The following IL18R1 variants were observed in gnomAD, a reference collection of about 807,000 sequenced individuals.
IL18R1 encodes interleukin 18 receptor 1.
In IL18R1, 40 loss-of-function variants were observed where a neutral mutation model predicts 48.5. The observed-to-expected ratio is 0.82, with a 90% CI of 0.64 to 1.07. The LOEUF is 1.07. Ranked by LOEUF, IL18R1 falls within the 50% of genes least tolerant of loss-of-function variation. The probability of loss-of-function intolerance (pLI) is 0.00; values close to 1 mark genes in which losing one functional copy is unlikely to be tolerated. For synonymous variants in IL18R1, 232 were observed against 225.9 expected (o/e 1.03, Z -0.24); for missense variants, 596 against 633.7 (o/e 0.94, Z 0.64).
intron 10 of IL18R1, among the ~76,000 whole-genome samples, chr2:102,394,945 T>A (rs969821553): frequency 3.9e-5 from 6 of 152,254 alleles, no homozygotes; most frequent in Non-Finnish European, 2.9e-5. Context: ...TGACCCACGG[T>A]GAGAATATCT....
At chr2:102,359,454 G>T (rs1248286059) in intron 1 of IL18R1, among the ~76,000 whole-genome samples, 1 of 152,140 alleles carries the variant, frequency 6.6e-6, no homozygotes, top group African/African-American at 2.4e-5. Context: ...CATAACAAAA[G>T]AGAGAAAGTA....
At chr2:102,394,911 T>C (rs1204640584) in intron 10 of IL18R1, among the ~76,000 whole-genome samples, 1 of 152,196 alleles carries the variant, frequency 6.6e-6, no homozygotes, top group Non-Finnish European at 1.5e-5. Flanking sequence ...GAGCTGGCGT[T>C]ATCATGAAGC....
At chr2:102,389,601 C>A (rs143862927) in intron 8 of IL18R1, among the ~76,000 whole-genome samples, 4 of 152,264 alleles carry the variant, frequency 2.6e-5, no homozygotes, top group Non-Finnish European at 5.9e-5. Flanking sequence ...GGTTTAAGGG[C>A]ATTCACGATT....
Position 102,373,120 on chromosome 2 carries a change from C to T in IL18R1, c.468+1002C>T, listed in dbSNP as rs186508685. Among the ~76,000 whole-genome samples, 1,271 of 152,194 alleles carry T rather than the reference C, an allele frequency of 8.4e-3. 9 individuals carry two copies. The highest frequency in any genetic ancestry group is 0.013 in the Non-Finnish European group (905 of 67,976). Reference sequence around the variant, plus strand: ...AACTCCTAGTGGTTTTTTCACTTTTCTTAGTAATAAATTAAACTTTTGTAT... The same window carrying T: ...AACTCCTAGTGGTTTTTTCACTTTTTTTAGTAATAAATTAAACTTTTGTAT... On this transcript the variant is annotated intron_variant, in intron 4 of 10. Transcript: ENST00000233957.
chr2:102,375,891 G>C lies in IL18R1; in HGVS notation c.469-16G>C. On this transcript the variant is annotated splice_polypyrimidine_tract_variant and intron_variant, in intron 4 of 10. Transcript: ENST00000233957. ...GCTTTTACTTAAAGTATTTTAACTTGTTTTATTAAAAACAGAACTGTAAAA... is the reference window on the plus strand; with the variant it reads ...GCTTTTACTTAAAGTATTTTAACTTCTTTTATTAAAAACAGAACTGTAAAA... 6.6e-7 allele frequency: 1 copy of C among 1,516,592 alleles called. No individual in the cohort carries two copies. Among genetic ancestry groups the C allele is most frequent in the Non-Finnish European group, 8.8e-7 (1 of 1,133,680 alleles). 93.9% of individuals were successfully genotyped at this position (1,516,592 alleles called of 1,614,324 possible). A position where few individuals can be genotyped will look rare whatever the true frequency, so the allele number is the denominator to read the frequency against.
Position 102,396,799 on chromosome 2 carries a change from GA to G in IL18R1, c.1541del (p.Lys514ArgfsTer6). The G allele has an allele frequency of 6.2e-7, 1 of 1,613,462 alleles. No homozygotes were observed. The highest frequency in any genetic ancestry group is 8.5e-7 in the Non-Finnish European group (1 of 1,179,448). ...CTCTTTCTTATAACTCAAGGTTCTGGAAGAACCTTCTTTACTTAATGCCTGC... is the reference window on the plus strand; with the variant it reads ...CTCTTTCTTATAACTCAAGGTTCTGGAGAACCTTCTTTACTTAATGCCTGC... ...KSLSYNSRFW[K>X]NLLYLMPAKT... On this transcript the variant is annotated frameshift_variant, in exon 11 of 11. Coordinates refer to ENST00000233957, the MANE Select transcript of IL18R1 (RefSeq NM_003855.5). LOFTEE classifies it low-confidence loss of function (END_TRUNC).
intron 4 of IL18R1, 65 bp downstream of exon 4, chr2:102,372,183 G>A: frequency 7.6e-7 from 1 of 1,318,190 alleles, no homozygotes; most frequent in Non-Finnish European, 1.1e-6. Context: ...CAAATGAGGG[G>A]CTGAGAGCTA....
At chr2:102,381,859 C>T (rs1679940348) in intron 6 of IL18R1, among the ~76,000 whole-genome samples, 177 bp downstream of exon 6, 1 of 152,108 alleles carries the variant, frequency 6.6e-6, no homozygotes, top group African/African-American at 2.4e-5. Flanking sequence ...TTTAACCTGA[C>T]TTAAAAGTGG....
rs1015913836 is a variant in IL18R1, at chr2:102,375,824, G to T, written c.469-83G>T. The T allele has an allele frequency of 4.5e-6, 4 of 895,572 alleles. No individual in the cohort carries two copies. In the African/African-American group the frequency reaches 7.0e-5, roughly 16 times the overall value. The allele number at this position is 895,572 out of a possible 1,614,324, so 55.5% of individuals were successfully genotyped here. ...CATTCTTTTTTCCTTTTTCTCTAAAGATCTTTAACTCAAAAATTTGGATCA... is the reference window on the plus strand; with the variant it reads ...CATTCTTTTTTCCTTTTTCTCTAAATATCTTTAACTCAAAAATTTGGATCA... On this transcript the variant is annotated intron_variant, in intron 4 of 10. Transcript: ENST00000233957.
chr2:102,373,611 TA>T (rs77264673), intron 4 of IL18R1, among the ~76,000 whole-genome samples: 36,126 of 148,998 alleles, frequency 0.24, 4,758 homozygotes, highest in East Asian at 0.41. Context: ...TAAAGTATAA[TA>T]AAAAAAAAAG....
At chr2:102,365,570 G>A (rs1044804117) in intron 2 of IL18R1, among the ~76,000 whole-genome samples, 1 of 152,142 alleles carries the variant, frequency 6.6e-6, no homozygotes. Flanking sequence ...CTGGGGCCTG[G>A]AGGATGGTGG....
intron 2 of IL18R1, chr2:102,362,978 A>T: frequency 3.6e-6 from 1 of 275,418 alleles, no homozygotes; most frequent in East Asian, 6.4e-5. Context: ...GGTTTTAGGA[A>T]GTTTGAAACA....
intron 10 of IL18R1, among the ~76,000 whole-genome samples, chr2:102,396,248 G>A (rs1285901314): frequency 6.6e-6 from 1 of 152,100 alleles, no homozygotes; most frequent in African/African-American, 2.4e-5. Flanking sequence ...GGTGATAACA[G>A]TATCTTCTCT....
At position 102,356,017 on chromosome 2, in the gene IL18R1, G is replaced by T. The variant is rs1487904318; in HGVS notation, c.-412G>T. The T allele has an allele frequency of 2.6e-5, 4 of 152,368 alleles. No individual in the cohort carries two copies. Among genetic ancestry groups the T allele is most frequent in the South Asian group, 2.1e-4 (1 of 4,830 alleles). 9.4% of individuals were successfully genotyped at this position (152,368 alleles called of 1,614,324 possible). ...AGGGTCCCCAGACCGGGACCTCCGA[G>T]TCAGGGAGGATTCTACGCCAGGGAG... On this transcript the variant is annotated 5_prime_UTR_variant, in exon 1 of 11. Transcript: ENST00000233957.
intron 1 of IL18R1, among the ~76,000 whole-genome samples, chr2:102,357,503 G>A (rs1395287027): frequency 2.8e-4 from 39 of 140,786 alleles, no homozygotes; most frequent in Middle Eastern, 3.5e-3. Context: ...AAAAAAAAAA[G>A]AAAAAAAAGA....
At chr2:102,362,530 G>GT (rs376343326) in intron 1 of IL18R1, 103 bp from the exon 2 acceptor site, 56 of 646,186 alleles carry the variant, frequency 8.7e-5, no homozygotes, top group African/African-American at 8.3e-4. Context: ...CTTCTAGGTT[G>GT]TTTTTTTAAA....
intron 8 of IL18R1, 83 bp from the exon 9 acceptor site, chr2:102,389,973 A>C: frequency 7.2e-7 from 1 of 1,397,264 alleles, no homozygotes; most frequent in South Asian, 1.3e-5. Context: ...TGTTAGCAGT[A>C]AAAATGGACA....
intron 4 of IL18R1, among the ~76,000 whole-genome samples, chr2:102,374,454 T>C (rs894833753): frequency 1.3e-5 from 2 of 152,176 alleles, no homozygotes; most frequent in Non-Finnish European, 2.9e-5. Flanking sequence ...TTACAGTATA[T>C]GTAAATTAGT....
chr2:102,367,831 G>A lies in IL18R1; in HGVS notation c.65G>A (p.Cys22Tyr), dbSNP rs763304570. The A allele has an allele frequency of 3.7e-6, 6 of 1,612,304 alleles. No homozygotes were observed. The highest frequency in any genetic ancestry group is 2.2e-5 in the East Asian group (1 of 44,862). The change falls in exon 3 of 11, where the codon TGT becomes TAT. Residue 22 changes from cysteine (C) to tyrosine (Y), a missense_variant. Cys to Tyr is a radical substitution (Grantham distance 194). Transcript: ENST00000233957. ...CTTTACTAATCTTTTGAAGAATCTTGTACTTCACGTCCCCACATTACTGTG... is the reference window on the plus strand; with the variant it reads ...CTTTACTAATCTTTTGAAGAATCTTATACTTCACGTCCCCACATTACTGTG... ...VLISVSTAES[C>Y]TSRPHITVVE...
Sources: gnomAD v4.1 joint callset for allele counts (sites outside exome capture counted in the v4.1 genomes callset) on GRCh38, gnomAD v4.1.1 for gene constraint, MANE v1.5 for transcripts, NCBI Gene and HGNC (gene_info 2026-07-23, HGNC 2026-07-21) for gene names.